The following ABLIM2 variants were observed in gnomAD, a reference collection of about 807,000 sequenced individuals.
ABLIM2 encodes the protein actin binding LIM protein family member 2.
In ABLIM2, 53 loss-of-function variants were observed where a neutral mutation model predicts 97.7. The ratio of observed to expected loss-of-function variants is 0.54; its 90% CI spans 0.44 to 0.68. The LOEUF (loss-of-function observed/expected upper bound fraction) is 0.68, where lower values mean the gene tolerates loss of function less well. Ranked by LOEUF, ABLIM2 falls within the 30% of genes least tolerant of loss-of-function variation. ABLIM2 has a pLI of 0.00. For synonymous variants in ABLIM2, 361 were observed against 345.8 expected, an observed-to-expected ratio of 1.04 and a Z score of -0.49; for missense variants, 835 against 867.2, an observed-to-expected ratio of 0.96 and a Z score of 0.47.
chr4:8,002,215 A>AC lies in ABLIM2; in HGVS notation c.1618+5843dup, dbSNP rs960738732. 4.6e-5 allele frequency among the ~76,000 whole-genome samples: 7 copies of AC among 151,682 alleles called. No homozygotes were observed. Among genetic ancestry groups the AC allele is most frequent in the Admixed American group, 1.3e-4 (2 of 15,242 alleles). On this transcript the variant is annotated intron_variant, in intron 16 of 20. Transcript: ENST00000447017. This position sits in a 1 kb window ranked among gnomAD's most constrained non-coding sequence, Gnocchi z 6.1. ...TCTGAGCTCCGTCTGCCCCCTGGCA[A>AC]CCCCCCGGACGTCTCAGGCTCTCCA...
At chr4:8,027,728 C>A in intron 12 of ABLIM2, 31 bp downstream of exon 12, 1 of 1,493,474 alleles carries the variant, frequency 6.7e-7, no homozygotes, top group Non-Finnish European at 9.0e-7. Flanking sequence ...CACCCATGAG[C>A]ACCCACAGCC....
chr4:8,007,451 C>T, intron 16 of ABLIM2: 1 of 985,532 alleles, frequency 1.0e-6, no homozygotes, highest in Non-Finnish European at 1.2e-6. Context: ...CTGGGAGGCA[C>T]TGAGTGAGCA....
chr4:7,992,875 C>G lies in ABLIM2; in HGVS notation c.1671G>C (p.Leu557Phe). ...DPLPGHGKNG[L>F]DQRNANLAPC... Reference sequence around the variant, plus strand: ...AGGGGTCAGTACCTACCCGCTGGTCCAAGCCATTCTTTCCATGTCCTGGGA... The same window carrying G: ...AGGGGTCAGTACCTACCCGCTGGTCGAAGCCATTCTTTCCATGTCCTGGGA... Residue 557 changes from leucine (L) to phenylalanine (F), a missense_variant, in exon 17 of 21, where the codon TTG (leucine) becomes TTC (phenylalanine). Leu to Phe is a conservative substitution (Grantham distance 22, BLOSUM62 0). Coordinates refer to ENST00000447017, the MANE Select transcript of ABLIM2 (RefSeq NM_001130083.2). This position sits in a 1 kb window ranked among gnomAD's most constrained non-coding sequence, Gnocchi z 5.7. 1.2e-6 allele frequency: 2 copies of G among 1,612,804 alleles called. No homozygotes were observed. Among genetic ancestry groups the G allele is most frequent in the Non-Finnish European group, 8.5e-7 (1 of 1,179,656 alleles).
intron 1 of ABLIM2, among the ~76,000 whole-genome samples, chr4:8,158,080 G>A (rs550747497): frequency 6.6e-6 from 1 of 152,338 alleles, no homozygotes; most frequent in South Asian, 2.1e-4. Flanking sequence ...GGTGCGGCGG[G>A]AAAGGCAGGG....
chr4:8,110,830 G>C (rs937606365), intron 1 of ABLIM2, among the ~76,000 whole-genome samples: 3 of 152,202 alleles, frequency 2.0e-5, no homozygotes, highest in Non-Finnish European at 2.9e-5. Context: ...TGGGGACGCC[G>C]CTGCCTCCAT....
At position 8,082,604 on chromosome 4, in the gene ABLIM2, AC is replaced by A. The variant is rs2152460691; in HGVS notation, c.455-1803del. Reference sequence around the variant, plus strand: ...GGTCAAGCTCAGGATTTCCTAAGTGACCACACTGTGCACATTCACATGCTAC... The same window carrying A: ...GGTCAAGCTCAGGATTTCCTAAGTGACACACTGTGCACATTCACATGCTAC... On this transcript the variant is annotated intron_variant, in intron 4 of 20. Coordinates refer to ENST00000447017, the MANE Select transcript of ABLIM2 (RefSeq NM_001130083.2). The surrounding 1 kb of genome is among the most constrained non-coding windows in gnomAD (Gnocchi z 5.6). Among the ~76,000 whole-genome samples the A allele has an allele frequency of 6.6e-6, 1 of 152,318 alleles. No individual in the cohort carries two copies. The highest frequency in any genetic ancestry group is 1.5e-5 in the Non-Finnish European group (1 of 68,028).
chr4:8,114,758 C>T (rs1409085753), intron 1 of ABLIM2, among the ~76,000 whole-genome samples: 1 of 151,430 alleles, frequency 6.6e-6, no homozygotes, highest in Non-Finnish European at 1.5e-5. Flanking sequence ...TCTCTCCTTG[C>T]CAAGAGCTAG....
intron 18 of ABLIM2, 77 bp downstream of exon 18, chr4:7,984,762 T>C: frequency 6.9e-7 from 1 of 1,454,460 alleles, no homozygotes; most frequent in Non-Finnish European, 9.3e-7. Context: ...GATGGGGTGG[T>C]TTCAGAACAA....
rs1711549028 is a variant in ABLIM2, at chr4:8,148,785, C to T, written c.10+9895G>A. 6.6e-6 allele frequency among the ~76,000 whole-genome samples: 1 copy of T among 152,188 alleles called. No individual in the cohort carries two copies. On this transcript the variant is annotated intron_variant, in intron 1 of 20. Coordinates refer to ENST00000447017, the MANE Select transcript of ABLIM2 (RefSeq NM_001130083.2). The surrounding 1 kb of genome is among the most constrained non-coding windows in gnomAD (Gnocchi z 6.7). ...CCAACCCCAACAGAGATGAGGAGGC[C>T]AAGGCTCAGGGGGTACATGGCCTGG...
At chr4:8,111,423 A>G (rs1407349894) in intron 1 of ABLIM2, among the ~76,000 whole-genome samples, 1 of 152,224 alleles carries the variant, frequency 6.6e-6, no homozygotes, top group Admixed American at 6.5e-5. Flanking sequence ...ATTTGTCCAA[A>G]CCCATAGAAC....
Position 8,032,686 on chromosome 4 carries a change from G to A in ABLIM2, c.1048-2910C>T. 2 of 1,612,462 alleles carry A rather than the reference G, an allele frequency of 1.2e-6. No individual in the cohort carries two copies. The highest frequency in any genetic ancestry group is 1.7e-6 in the Non-Finnish European group (2 of 1,179,794). On this transcript the variant is annotated intron_variant, in intron 10 of 20. Coordinates refer to ENST00000447017, the MANE Select transcript of ABLIM2 (RefSeq NM_001130083.2). This position sits in a 1 kb window ranked among gnomAD's most constrained non-coding sequence, Gnocchi z 4.3. Reference sequence around the variant, plus strand: ...GGCGAGAGCAACTGAGGGGACTGTGGACACAACACACAAAGTGGCCATTAG... The same window carrying A: ...GGCGAGAGCAACTGAGGGGACTGTGAACACAACACACAAAGTGGCCATTAG...
rs914308259 is a variant in ABLIM2, at chr4:8,021,709, C to T, written c.1268-1406G>A. Among the ~76,000 whole-genome samples the T allele has an allele frequency of 1.3e-5, 2 of 152,248 alleles. No individual in the cohort carries two copies. Among genetic ancestry groups the T allele is most frequent in the Non-Finnish European group, 2.9e-5 (2 of 68,046 alleles). ...CTCTTGCCTGGTGGTGGGCTGCATG[C>T]AGCGGGAGGTCACCTAGGAGCAGGG... On this transcript the variant is annotated intron_variant, in intron 12 of 20. Coordinates refer to ENST00000447017, the MANE Select transcript of ABLIM2 (RefSeq NM_001130083.2). The surrounding 1 kb of genome is among the most constrained non-coding windows in gnomAD (Gnocchi z 5.5).
intron 20 of ABLIM2, among the ~76,000 whole-genome samples, chr4:7,982,532 A>G (rs1464062853): frequency 1.3e-5 from 2 of 152,206 alleles, no homozygotes; most frequent in East Asian, 3.8e-4. Context: ...CAGTCAACAG[A>G]TCGTATTCAA....
At chr4:8,121,027 A>G (rs531711039) in intron 1 of ABLIM2, among the ~76,000 whole-genome samples, 124 of 152,354 alleles carry the variant, frequency 8.1e-4, no homozygotes, top group African/African-American at 2.9e-3. Context: ...TAGTCCAATC[A>G]TGGTAAGTGG....
At chr4:7,984,997 G>T in intron 17 of ABLIM2, 104 bp from the exon 18 acceptor site, 3 of 1,218,612 alleles carry the variant, frequency 2.5e-6, no homozygotes, top group Non-Finnish European at 3.5e-6. Flanking sequence ...AGGTCCTCGT[G>T]CTGCCTGGGG....
chr4:8,077,572 G>A (rs1349823466), intron 6 of ABLIM2, 56 bp downstream of exon 6: 14 of 1,465,884 alleles, frequency 9.6e-6, no homozygotes, highest in Admixed American at 7.9e-5. Flanking sequence ...TCAACTCCCA[G>A]GGGGGCAGTT....
chr4:7,971,694 G>C lies in ABLIM2; in HGVS notation c.1825-4591C>G, dbSNP rs556262854. Among the ~76,000 whole-genome samples the C allele has an allele frequency of 2.2e-4, 34 of 152,194 alleles. No individual in the cohort carries two copies. The East Asian group carries it at 6.2e-3, about 28-fold the overall frequency. On this transcript the variant is annotated intron_variant, in intron 20 of 20. Coordinates refer to ENST00000447017, the MANE Select transcript of ABLIM2 (RefSeq NM_001130083.2). ...GACCTATGCCACCTCCACTCCATCA[G>C]GGACAGGTTGCCCTGGCCTACCCCC...
rs963674210 is a variant in ABLIM2 at position 8,044,635 on chromosome 4, C to T, written c.900+529G>A. On this transcript the variant is annotated intron_variant, in intron 9 of 20. Transcript: ENST00000447017. The surrounding 1 kb of genome is among the most constrained non-coding windows in gnomAD (Gnocchi z 4.4). The stretch of plus-strand genomic sequence containing the variant: ...TATGTGATTATGGAAGCGTGTGAGG[C>T]GCACAGACACACACACACACACACA... Among the ~76,000 whole-genome samples the T allele has an allele frequency of 1.6e-4, 21 of 135,366 alleles. 1 individual carries two copies. The highest frequency in any genetic ancestry group is 1.1e-3 in the Admixed American group (14 of 12,934). 88.8% of individuals were successfully genotyped at this position (135,366 alleles called of 152,430 possible). A position where few individuals can be genotyped will look rare whatever the true frequency, so the allele number is the denominator to read the frequency against.
chr4:7,983,235 G>A (rs948310217), intron 20 of ABLIM2, 29 bp downstream of exon 20: 15 of 1,591,880 alleles, frequency 9.4e-6, no homozygotes, highest in African/African-American at 1.3e-5. Context: ...TGGGAAATGA[G>A]TCCCCTGCCC....
Sources: gnomAD v4.1 joint callset for allele counts (sites outside exome capture counted in the v4.1 genomes callset) on GRCh38, gnomAD v4.1.1 for gene constraint, Gnocchi (gnomAD v3.1) non-coding constraint, MANE v1.5 for transcripts, NCBI Gene and HGNC (gene_info 2026-07-23, HGNC 2026-07-21) for gene names.